Variants in MARCHF5 observed in about 807,000 individuals in gnomAD.
The protein encoded by MARCHF5 is E3 ubiquitin-protein ligase MARCHF5.
In MARCHF5, 5 loss-of-function variants were observed where a neutral mutation model predicts 36.5. That is an observed-to-expected ratio of 0.14 (90% CI 0.07 to 0.29). The LOEUF (loss-of-function observed/expected upper bound fraction) is 0.29. Among genes scored for constraint, MARCHF5 ranks in the 10% least tolerant of loss-of-function variants. MARCHF5 has a pLI of 1.00. For missense variants in MARCHF5, 179 were observed against 336.3 expected (o/e 0.53, Z 3.66); for synonymous variants, 103 against 109.9 (o/e 0.94, Z 0.39).
Position 92,339,494 on chromosome 10 carries a change from A to G in MARCHF5, c.239-1179A>G, listed in dbSNP as rs542398929. On this transcript the variant is annotated intron_variant, in intron 2 of 5. Coordinates refer to ENST00000358935, the MANE Select transcript of MARCHF5 (RefSeq NM_017824.5). ...AGACCAACCTGACTAACATGGTGAA[A>G]CCCCGTCTCTACTAAAAATACAAAA... Among the ~76,000 whole-genome samples the G allele has an allele frequency of 2.6e-5, 4 of 152,086 alleles. No individual in the cohort carries two copies. In the South Asian group the frequency reaches 8.3e-4, roughly 32 times the overall value.
At chr10:92,345,894 C>A (rs984411506) in intron 3 of MARCHF5, among the ~76,000 whole-genome samples, 5 of 152,014 alleles carry the variant, frequency 3.3e-5, no homozygotes, top group African/African-American at 1.2e-4. Context: ...AGGGTTTCAC[C>A]ATGTTGCCCA....
intron 1 of MARCHF5, among the ~76,000 whole-genome samples, chr10:92,309,796 G>T (rs1261453032): frequency 6.6e-6 from 1 of 151,382 alleles, no homozygotes; most frequent in African/African-American, 2.4e-5. Context: ...TGGCTAAAAT[G>T]GTAGATTTTA....
chr10:92,297,484 T>A (rs911777501), intron 1 of MARCHF5, among the ~76,000 whole-genome samples: 22 of 123,778 alleles, frequency 1.8e-4, no homozygotes, highest in Admixed American at 7.8e-5. Context: ...AGCTTTCAAC[T>A]TTTTTTTTTT....
chr10:92,335,658 T>G (rs1351527978), intron 2 of MARCHF5, among the ~76,000 whole-genome samples: 3 of 152,122 alleles, frequency 2.0e-5, no homozygotes, highest in Non-Finnish European at 4.4e-5. Context: ...AAGAGATGAG[T>G]AGAAAATTTC....
At chr10:92,311,429 T>A in intron 2 of MARCHF5, 92 bp downstream of exon 2, 1 of 833,696 alleles carries the variant, frequency 1.2e-6, no homozygotes, top group Non-Finnish European at 1.8e-6. Context: ...CTCTTTTTTT[T>A]AGGGTGTGAA....
At chr10:92,300,821 A>G (rs1843003201) in intron 1 of MARCHF5, among the ~76,000 whole-genome samples, 1 of 150,898 alleles carries the variant, frequency 6.6e-6, no homozygotes, top group African/African-American at 2.4e-5. Context: ...TCTTCTGACC[A>G]TGTCTGCAGA....
chr10:92,347,934 G>A (rs948223215), intron 3 of MARCHF5, among the ~76,000 whole-genome samples: 2 of 152,192 alleles, frequency 1.3e-5, no homozygotes, highest in African/African-American at 4.8e-5. Flanking sequence ...TGTAATCCCA[G>A]CACTGTCGGA....
At chr10:92,301,204 CATGCCGT>C (rs1564942633) in intron 1 of MARCHF5, among the ~76,000 whole-genome samples, 1 of 152,156 alleles carries the variant, frequency 6.6e-6, no homozygotes, top group African/African-American at 2.4e-5. Context: ...TAATTCTTTA[CATGCCGT>C]AGTTCACATA....
intron 2 of MARCHF5, chr10:92,334,694 T>A: frequency 6.6e-6 from 1 of 152,208 alleles, no homozygotes; most frequent in Non-Finnish European, 1.5e-5. Context: ...AATTTTAATT[T>A]ATATTACAGT....
intron 2 of MARCHF5, chr10:92,334,479 T>C (rs894569301): frequency 6.6e-6 from 1 of 152,458 alleles, no homozygotes; most frequent in Non-Finnish European, 1.5e-5. Flanking sequence ...TCCAAGTGCA[T>C]TGGTATTTAC....
rs150466373 is a variant in MARCHF5, at chr10:92,306,144, G to A, written c.36-4991G>A. 2.0e-3 allele frequency among the ~76,000 whole-genome samples: 305 copies of A among 152,276 alleles called. 1 individual carries two copies. The highest frequency in any genetic ancestry group is 6.6e-3 in the African/African-American group (273 of 41,556). ...ACATCTTGATCCATGTCTCAATGCC[G>A]TCAGTTTCCACCTTCACTTCTTCTG... is the stretch of plus-strand genomic sequence containing the variant. On this transcript the variant is annotated intron_variant, in intron 1 of 5. Coordinates refer to ENST00000358935, the MANE Select transcript of MARCHF5 (RefSeq NM_017824.5).
intron 2 of MARCHF5, among the ~76,000 whole-genome samples, chr10:92,321,547 T>G (rs944621802): frequency 2.0e-5 from 3 of 152,042 alleles, no homozygotes; most frequent in Admixed American, 6.5e-5. Context: ...CATCTTTGGT[T>G]TTGGTGCTGG....
At chr10:92,323,248 T>A (rs1843313036) in intron 2 of MARCHF5, among the ~76,000 whole-genome samples, 1 of 152,126 alleles carries the variant, frequency 6.6e-6, no homozygotes, top group African/African-American at 2.4e-5. Flanking sequence ...TTTTAGAGCC[T>A]TTTTAGGTTC....
intron 1 of MARCHF5, among the ~76,000 whole-genome samples, chr10:92,306,023 A>G (rs1843069664): frequency 6.6e-6 from 1 of 152,262 alleles, no homozygotes; most frequent in South Asian, 2.1e-4. Flanking sequence ...TTTTGGTTGC[A>G]CATGATGCAA....
In MARCHF5 at chr10:92,347,866, G is replaced by C. The variant is rs182393610; in HGVS notation, c.370-1483G>C. On this transcript the variant is annotated intron_variant, in intron 3 of 5. Transcript: ENST00000358935. The stretch of plus-strand genomic sequence containing the variant: ...TGGACTATATCCATAGCTCAAATTT[G>C]GTCCTCTCCACACACTTTCATAAAA... Among the ~76,000 whole-genome samples the C allele has an allele frequency of 2.6e-5, 4 of 152,212 alleles. 1 individual carries two copies. The highest frequency in any genetic ancestry group is 1.3e-4 in the Admixed American group (2 of 15,284).
chr10:92,324,815 C>T (rs1843335246), intron 2 of MARCHF5, among the ~76,000 whole-genome samples: 1 of 151,678 alleles, frequency 6.6e-6, no homozygotes, highest in Non-Finnish European at 1.5e-5. Flanking sequence ...CCTTCTGTTA[C>T]TGATTTTTTT....
At chr10:92,291,728 G>C (rs576414025) in intron 1 of MARCHF5, 199 bp downstream of exon 1, 36 of 339,162 alleles carry the variant, frequency 1.1e-4, no homozygotes, top group African/African-American at 7.3e-4. Context: ...TAGACTTTGG[G>C]TGAAACTTAG....
rs956900266 is a variant in MARCHF5, at chr10:92,352,366, A to G, written c.*1159A>G. The G allele has an allele frequency of 1.6e-4, 25 of 152,226 alleles. No homozygotes were observed. Among genetic ancestry groups the G allele is most frequent in the Non-Finnish European group, 2.8e-4 (19 of 68,038 alleles). 9.4% of individuals were successfully genotyped at this position (152,226 alleles called of 1,614,324 possible). Reference sequence around the variant, plus strand: ...GGCTTAAGTTTATTATAGAAAATCAACACTAATGTTTTTAGATTTTAATTG... The same window carrying G: ...GGCTTAAGTTTATTATAGAAAATCAGCACTAATGTTTTTAGATTTTAATTG... On this transcript the variant is annotated 3_prime_UTR_variant, in exon 6 of 6. Transcript: ENST00000358935.
chr10:92,304,804 C>G (rs1361360926), intron 1 of MARCHF5, among the ~76,000 whole-genome samples: 2 of 152,102 alleles, frequency 1.3e-5, no homozygotes, highest in East Asian at 3.9e-4. Context: ...ATCCCCACCC[C>G]CTAAGTTTTT....
Sources: allele counts gnomAD v4.1 joint callset (sites outside exome capture counted in the v4.1 genomes callset), GRCh38; gene constraint gnomAD v4.1.1; transcripts MANE v1.5; gene names NCBI Gene and HGNC (gene_info 2026-07-23, HGNC 2026-07-21).